The following WBP1L variants were observed in gnomAD, a reference collection of about 807,000 sequenced individuals.
The protein encoded by WBP1L is WW domain binding protein 1-like.
WBP1L carries 17 observed loss-of-function variants against 33.7 expected under a neutral mutation model. That is an observed-to-expected ratio of 0.50 (90% CI 0.34 to 0.76). The LOEUF is 0.76. Ranked by LOEUF, WBP1L falls within the 30% of genes least tolerant of loss-of-function variation. The probability of loss-of-function intolerance (pLI) is 0.01; values close to 1 mark genes in which losing one functional copy is unlikely to be tolerated. For missense variants in WBP1L, 389 were observed against 469.4 expected (o/e 0.83, Z 1.58); for synonymous variants, 173 against 190.8 (o/e 0.91, Z 0.77).
At chr10:102,807,928 CG>C (rs1321104107) in intron 2 of WBP1L, among the ~76,000 whole-genome samples, 1 of 151,390 alleles carries the variant, frequency 6.6e-6, no homozygotes, top group Admixed American at 6.6e-5. Context: ...TTGTTTTGGC[CG>C]GGCGCGGTGG....
rs60213859 is a variant in WBP1L, at chr10:102,757,569, C to CTTTTTTTT, written c.90+13442_90+13449dup. On this transcript the variant is annotated intron_variant, in intron 1 of 3. Transcript: ENST00000448841. ...TCTCAGGGGAAGATGGTTTCTGAGCCTTTTTTTTTTTTTTTTTTTTTTTGT... is the reference window on the plus strand; with the variant it reads ...TCTCAGGGGAAGATGGTTTCTGAGCCTTTTTTTTTTTTTTTTTTTTTTTTTTTTTTTGT... Among the ~76,000 whole-genome samples the CTTTTTTTT allele has an allele frequency of 3.0e-3, 266 of 88,818 alleles. 1 individual carries two copies. The highest frequency in any genetic ancestry group is 6.2e-3 in the East Asian group (14 of 2,256). 58.3% of individuals were successfully genotyped at this position (88,818 alleles called of 152,430 possible). A position where few individuals can be genotyped will look rare whatever the true frequency, so the allele number is the denominator to read the frequency against.
intron 3 of WBP1L, among the ~76,000 whole-genome samples, chr10:102,810,583 T>TTTA (rs71019617): frequency 7.1e-6 from 1 of 141,218 alleles, no homozygotes; most frequent in African/African-American, 2.6e-5. Flanking sequence ...TTTTTTTTTT[T>TTTA]GAGATGGAGT....
chr10:102,805,120 T>G (rs1843711876), intron 2 of WBP1L, among the ~76,000 whole-genome samples: 1 of 151,346 alleles, frequency 6.6e-6, no homozygotes, highest in Admixed American at 6.6e-5. Flanking sequence ...CCCCCCTATA[T>G]CTACAAAAAA....
At chr10:102,750,801 C>T (rs1842917896) in intron 1 of WBP1L, among the ~76,000 whole-genome samples, 1 of 151,990 alleles carries the variant, frequency 6.6e-6, no homozygotes, top group Non-Finnish European at 1.5e-5. Context: ...ACGCCCGGCC[C>T]AATTTTAGCA....
At chr10:102,753,367 C>T (rs1277068081) in intron 1 of WBP1L, among the ~76,000 whole-genome samples, 1 of 152,322 alleles carries the variant, frequency 6.6e-6, no homozygotes, top group Middle Eastern at 3.4e-3. Flanking sequence ...GGCCTGAAAA[C>T]TGCATGCTAT....
chr10:102,748,031 C>T (rs1418281872), intron 1 of WBP1L, among the ~76,000 whole-genome samples: 1 of 151,784 alleles, frequency 6.6e-6, no homozygotes, highest in South Asian at 2.1e-4. Context: ...CCGAGGCAGG[C>T]GGATCACGAG....
At chr10:102,747,133 G>C (rs1490374401) in intron 1 of WBP1L, among the ~76,000 whole-genome samples, 2 of 152,120 alleles carry the variant, frequency 1.3e-5, no homozygotes, top group East Asian at 3.9e-4. Flanking sequence ...GGAGGCCAAG[G>C]CAGGCAGATC....
chr10:102,769,847 ACT>A (rs1312796503), intron 1 of WBP1L, among the ~76,000 whole-genome samples: 1 of 150,852 alleles, frequency 6.6e-6, no homozygotes, highest in African/African-American at 2.5e-5. Context: ...CGTTTACCTA[ACT>A]CTCTTTCCTG....
intron 1 of WBP1L, among the ~76,000 whole-genome samples, chr10:102,776,850 G>T (rs1364560013): frequency 6.6e-6 from 1 of 152,086 alleles, no homozygotes; most frequent in African/African-American, 2.4e-5. Flanking sequence ...GTTGGGGGTG[G>T]GGTGAGGGCT....
chr10:102,793,041 G>A (rs529992528), intron 1 of WBP1L, among the ~76,000 whole-genome samples: 1 of 152,132 alleles, frequency 6.6e-6, no homozygotes, highest in South Asian at 2.1e-4. Flanking sequence ...TATTGTAGTC[G>A]CAGTTTTATC....
intron 1 of WBP1L, among the ~76,000 whole-genome samples, chr10:102,795,878 A>C (rs576358380): frequency 6.6e-6 from 1 of 152,150 alleles, no homozygotes; most frequent in Non-Finnish European, 1.5e-5. Context: ...GCAAGCATAG[A>C]TCTGCTTTTT....
chr10:102,758,963 A>G (rs1001044490), intron 1 of WBP1L, among the ~76,000 whole-genome samples: 28 of 152,226 alleles, frequency 1.8e-4, no homozygotes, highest in Non-Finnish European at 3.2e-4. Context: ...ACCGCTATCT[A>G]CTACGAACTT....
At chr10:102,789,090 G>T (rs1843460500) in intron 1 of WBP1L, among the ~76,000 whole-genome samples, 1 of 152,136 alleles carries the variant, frequency 6.6e-6, no homozygotes, top group African/African-American at 2.4e-5. Flanking sequence ...CTCCTGAGTA[G>T]CTGGGACTAC....
intron 1 of WBP1L, among the ~76,000 whole-genome samples, chr10:102,790,753 C>T (rs1301913975): frequency 4.6e-5 from 7 of 152,018 alleles, no homozygotes; most frequent in African/African-American, 1.2e-4. Context: ...CCTCGTCATC[C>T]GCCCGCCTCA....
At chr10:102,761,497 C>G (rs1309550366) in intron 1 of WBP1L, among the ~76,000 whole-genome samples, 1 of 151,534 alleles carries the variant, frequency 6.6e-6, no homozygotes, top group Non-Finnish European at 1.5e-5. Context: ...ACTCTTGTTG[C>G]CCAGGCTGGA....
At chr10:102,808,043 G>T (rs948346803) in intron 2 of WBP1L, among the ~76,000 whole-genome samples, 1 of 151,986 alleles carries the variant, frequency 6.6e-6, no homozygotes, top group African/African-American at 2.4e-5. Context: ...GCCAGGCATG[G>T]TGGCATATGC....
intron 1 of WBP1L, among the ~76,000 whole-genome samples, chr10:102,769,054 A>AG: frequency 6.6e-6 from 1 of 152,124 alleles, no homozygotes; most frequent in South Asian, 2.1e-4. Context: ...GTATAATCAC[A>AG]GCTCACTACA....
At chr10:102,798,624 C>T (rs989299028) in intron 2 of WBP1L, among the ~76,000 whole-genome samples, 5 of 152,134 alleles carry the variant, frequency 3.3e-5, no homozygotes, top group Admixed American at 6.5e-5. Context: ...GGGGTTTCAC[C>T]GTATTGGCCA....
chr10:102,758,066 G>A (rs1433076920), intron 1 of WBP1L, among the ~76,000 whole-genome samples: 1 of 150,728 alleles, frequency 6.6e-6, no homozygotes, highest in African/African-American at 2.4e-5. Context: ...TGTATTTTTA[G>A]TAGAGACGGG....
Sources: allele counts gnomAD v4.1 joint callset (sites outside exome capture counted in the v4.1 genomes callset), GRCh38; gene constraint gnomAD v4.1.1; transcripts MANE v1.5; gene names NCBI Gene and HGNC (gene_info 2026-07-23, HGNC 2026-07-21).